The following ERBB4 variants were observed in gnomAD, a reference collection of about 807,000 sequenced individuals.
ERBB4 encodes the protein receptor tyrosine-protein kinase erbB-4.
A neutral mutation model predicts 158.0 loss-of-function variants in ERBB4; 42 were observed. That is an observed-to-expected ratio of 0.27 (90% CI 0.21 to 0.34). The LOEUF (loss-of-function observed/expected upper bound fraction) is 0.34. Ranked by LOEUF, ERBB4 falls within the 10% of genes least tolerant of loss-of-function variation. The pLI is 1.00. For synonymous variants in ERBB4, 583 were observed against 558.7 expected (o/e 1.04, Z -0.61); for missense variants, 1,333 against 1,624.1 (o/e 0.82, Z 3.08).
At chr2:212,259,951 C>T (rs1444634408) in intron 1 of ERBB4, among the ~76,000 whole-genome samples, 2 of 151,808 alleles carry the variant, frequency 1.3e-5, no homozygotes, top group Non-Finnish European at 1.5e-5. Flanking sequence ...ATCCTGTAAT[C>T]CCAGCTACTC....
rs71054190 is a variant in ERBB4, at chr2:212,286,594, C to CTTTTTTTTT, written c.83-161700_83-161692dup. Among the ~76,000 whole-genome samples, 161 of 55,522 alleles carry CTTTTTTTTT rather than the reference C, an allele frequency of 2.9e-3. 15 individuals carry two copies. The highest frequency in any genetic ancestry group is 8.9e-3 in the African/African-American group (153 of 17,232). The allele number at this position is 55,522 out of a possible 152,430, so 36.4% of individuals were successfully genotyped here. A position where few individuals can be genotyped will look rare whatever the true frequency, so the allele number is the denominator to read the frequency against. ...AATGAGATGATTACATAAGTGCTGA[C>CTTTTTTTTT]TTTTTTTTTTTTTTTTTTTTTTTTT... On this transcript the variant is annotated intron_variant, in intron 1 of 27. Transcript: ENST00000342788.
At chr2:211,921,094 A>C (rs1272506038) in intron 3 of ERBB4, among the ~76,000 whole-genome samples, 2 of 152,058 alleles carry the variant, frequency 1.3e-5, no homozygotes, top group Non-Finnish European at 2.9e-5. Context: ...CTTTAAAAAA[A>C]AATCTTGCTG....
chr2:212,453,079 A>T (rs562111726), intron 1 of ERBB4, among the ~76,000 whole-genome samples: 1 of 152,310 alleles, frequency 6.6e-6, no homozygotes, highest in East Asian at 1.9e-4. Context: ...CGACTAGTCA[A>T]ATACTTCTTT....
intron 27 of ERBB4, among the ~76,000 whole-genome samples, chr2:211,386,082 A>T (rs2062678283): frequency 6.6e-6 from 1 of 152,318 alleles, no homozygotes; most frequent in Middle Eastern, 3.4e-3. Flanking sequence ...TTTACTGTTG[A>T]CACTAAAGAC....
intron 1 of ERBB4, among the ~76,000 whole-genome samples, chr2:212,521,718 T>C (rs1398806499): frequency 6.6e-6 from 1 of 151,962 alleles, no homozygotes; most frequent in Non-Finnish European, 1.5e-5. Flanking sequence ...ATTCCCTTTT[T>C]AGATGGGATG....
At chr2:212,154,803 C>T (rs774235121) in intron 1 of ERBB4, among the ~76,000 whole-genome samples, 1 of 152,102 alleles carries the variant, frequency 6.6e-6, no homozygotes, top group Non-Finnish European at 1.5e-5. Context: ...AAACAGTACT[C>T]TCTTATTTTT....
At chr2:211,417,095 G>A (rs761690146) in intron 25 of ERBB4, among the ~76,000 whole-genome samples, 6 of 152,024 alleles carry the variant, frequency 3.9e-5, no homozygotes, top group South Asian at 2.1e-4. Context: ...TATAGAGCAC[G>A]GTTTGCAGAA....
At position 211,912,112 on chromosome 2, in the gene ERBB4, A is replaced by C. The variant is rs113675630; in HGVS notation, c.421+35318T>G. 9.8e-3 allele frequency among the ~76,000 whole-genome samples: 1,493 copies of C among 152,270 alleles called. 27 individuals are homozygous for C. Among genetic ancestry groups the C allele is most frequent in the African/African-American group, 0.034 (1,420 of 41,560 alleles). ...GACAGGTAGGTAGGCAGTAAGGCAA[A>C]TGGGTACAACCCTGTGAAATTTTAG... On this transcript the variant is annotated intron_variant, in intron 3 of 27. Transcript: ENST00000342788.
chr2:212,024,919 C>T (rs763065270), intron 2 of ERBB4, among the ~76,000 whole-genome samples: 52 of 151,760 alleles, frequency 3.4e-4, no homozygotes, highest in Non-Finnish European at 6.3e-4. Flanking sequence ...CTATCCTTTC[C>T]TTGATGTGTG....
chr2:211,526,065 C>T (rs2066339784), intron 20 of ERBB4, among the ~76,000 whole-genome samples: 1 of 152,132 alleles, frequency 6.6e-6, no homozygotes, highest in Non-Finnish European at 1.5e-5. Flanking sequence ...TGGCTTGCCA[C>T]CTGCTGATTG....
chr2:212,307,173 T>C (rs1574646154), intron 1 of ERBB4, among the ~76,000 whole-genome samples: 1 of 151,150 alleles, frequency 6.6e-6, no homozygotes, highest in Non-Finnish European at 1.5e-5. Context: ...AAAGCCTCAG[T>C]TTCCCCCTAT....
intron 2 of ERBB4, among the ~76,000 whole-genome samples, chr2:212,083,698 A>G (rs1210114060): frequency 6.6e-6 from 1 of 151,950 alleles, no homozygotes; most frequent in Non-Finnish European, 1.5e-5. Context: ...ATAGGATTGC[A>G]CAATCCCATA....
intron 20 of ERBB4, among the ~76,000 whole-genome samples, chr2:211,555,254 C>T (rs989715226): frequency 2.0e-5 from 3 of 152,004 alleles, no homozygotes; most frequent in African/African-American, 2.4e-5. Context: ...GGCACGATCT[C>T]GGCTCACCGC....
intron 1 of ERBB4, among the ~76,000 whole-genome samples, chr2:212,252,093 G>T (rs2084556652): frequency 6.6e-6 from 1 of 152,022 alleles, no homozygotes; most frequent in Non-Finnish European, 1.5e-5. Flanking sequence ...GCAGTGATGA[G>T]AAAAGGTCAA....
chr2:212,173,637 G>C (rs978201622), intron 1 of ERBB4, among the ~76,000 whole-genome samples: 2 of 152,106 alleles, frequency 1.3e-5, no homozygotes, highest in South Asian at 4.1e-4. Context: ...AAGCAATTTT[G>C]CTTTATTGTC....
chr2:211,526,169 C>A (rs1378372690), intron 20 of ERBB4, among the ~76,000 whole-genome samples: 1 of 152,080 alleles, frequency 6.6e-6, no homozygotes, highest in African/African-American at 2.4e-5. Context: ...GGTCTCAGGT[C>A]TGACTGAGCA....
At chr2:212,104,372 A>G (rs113644599) in intron 2 of ERBB4, among the ~76,000 whole-genome samples, 1 of 152,142 alleles carries the variant, frequency 6.6e-6, no homozygotes, top group South Asian at 2.1e-4. Context: ...AATAAGCAAT[A>G]CAGTTTATCT....
Position 212,138,476 on chromosome 2 carries a change from G to GC in ERBB4, c.83-13574dup, listed in dbSNP as rs2080343467. Reference sequence around the variant, plus strand: ...CAGCCTGGCATTCTGTAGCCTTCTTGCCATGTGATACCCTCTGCTGCCTCA... The same window carrying GC: ...CAGCCTGGCATTCTGTAGCCTTCTTGCCCATGTGATACCCTCTGCTGCCTCA... On this transcript the variant is annotated intron_variant, in intron 1 of 27. Transcript: ENST00000342788. Among the ~76,000 whole-genome samples, 3 of 152,204 alleles carry GC rather than the reference G, an allele frequency of 2.0e-5. No individual in the cohort carries two copies. The South Asian group carries it at 6.2e-4, about 32-fold the overall frequency.
chr2:211,595,859 G>T (rs2068615236), intron 19 of ERBB4, among the ~76,000 whole-genome samples: 1 of 152,164 alleles, frequency 6.6e-6, no homozygotes, highest in African/African-American at 2.4e-5. Context: ...ACTTGAGTAT[G>T]CGTGTATTTT....
Sources: allele counts gnomAD v4.1 joint callset (sites outside exome capture counted in the v4.1 genomes callset), GRCh38; gene constraint gnomAD v4.1.1; transcripts MANE v1.5; gene names NCBI Gene and HGNC (gene_info 2026-07-23, HGNC 2026-07-21).